Variants in COBL observed in about 807,000 individuals in gnomAD.
The protein encoded by COBL is protein cordon-bleu.
Under a neutral mutation model 98.8 loss-of-function variants are expected in COBL, and 51 were observed. That is an observed-to-expected ratio of 0.52 (90% confidence interval 0.41 to 0.65). The LOEUF (loss-of-function observed/expected upper bound fraction) is 0.65, where lower values mean the gene tolerates loss of function less well. COBL is among the 30% of genes least tolerant of loss of function. COBL has a pLI of 0.00. For synonymous variants in COBL, 634 were observed against 651.7 expected, an observed-to-expected ratio of 0.97 and a Z score of 0.41; for missense variants, 1,617 against 1,617.5, an observed-to-expected ratio of 1.00 and a Z score of 0.01.
intron 7 of COBL, chr7:51,065,596 G>A (rs568021507): frequency 3.3e-6 from 2 of 602,944 alleles, no homozygotes; most frequent in Non-Finnish European, 5.9e-6. Flanking sequence ...GCAGGGCCCA[G>A]GCCTCCAACA....
intron 1 of COBL, among the ~76,000 whole-genome samples, chr7:51,308,577 C>T (rs1185576143): frequency 6.6e-6 from 1 of 152,208 alleles, no homozygotes; most frequent in Non-Finnish European, 1.5e-5. Context: ...AGTCCTTAAG[C>T]CACGCAGAGC....
chr7:51,265,805 G>A (rs1416451997), intron 1 of COBL, among the ~76,000 whole-genome samples: 9 of 152,168 alleles, frequency 5.9e-5, no homozygotes, highest in Admixed American at 3.9e-4. Flanking sequence ...AACTGTCCAC[G>A]TGGACTGGCA....
intron 1 of COBL, among the ~76,000 whole-genome samples, chr7:51,232,071 A>G (rs1196079145): frequency 6.6e-6 from 1 of 152,156 alleles, no homozygotes; most frequent in African/African-American, 2.4e-5. Flanking sequence ...CCTCTGAGAA[A>G]TAGGACCGTT....
At chr7:51,241,791 G>T (rs1795818064) in intron 1 of COBL, among the ~76,000 whole-genome samples, 1 of 152,310 alleles carries the variant, frequency 6.6e-6, no homozygotes, top group African/African-American at 2.4e-5. Flanking sequence ...TTCCTCAGCT[G>T]CTCACAAGGT....
chr7:51,071,019 C>T (rs1194309688), intron 7 of COBL: 2 of 152,180 alleles, frequency 1.3e-5, no homozygotes, highest in Non-Finnish European at 2.9e-5. Context: ...TTTAAGCCAA[C>T]TATAGTTGAA....
chr7:51,131,468 T>C (rs887092800), intron 6 of COBL, among the ~76,000 whole-genome samples: 7 of 152,228 alleles, frequency 4.6e-5, no homozygotes, highest in African/African-American at 1.4e-4. Context: ...AAACCTGCTC[T>C]GTAACATGCC....
intron 5 of COBL, among the ~76,000 whole-genome samples, chr7:51,136,954 C>A (rs566845124): frequency 6.6e-6 from 1 of 152,198 alleles, no homozygotes; most frequent in Non-Finnish European, 1.5e-5. Flanking sequence ...TCTCAAGGGA[C>A]AATTTCTACA....
chr7:51,237,318 GAGTTT>G (rs57925438), intron 1 of COBL, among the ~76,000 whole-genome samples: 37,459 of 151,746 alleles, frequency 0.25, 5,518 homozygotes, highest in East Asian at 0.6. Flanking sequence ...GCAAATAAAG[GAGTTT>G]ACTTCTCTGC....
At chr7:51,121,426 C>A (rs1027668939) in intron 6 of COBL, among the ~76,000 whole-genome samples, 3 of 152,208 alleles carry the variant, frequency 2.0e-5, no homozygotes, top group Non-Finnish European at 2.9e-5. Flanking sequence ...TTATCACATA[C>A]ATAATTTGCA....
intron 1 of COBL, among the ~76,000 whole-genome samples, chr7:51,243,989 T>C (rs765477800): frequency 5.9e-5 from 9 of 152,144 alleles, no homozygotes; most frequent in Non-Finnish European, 1.2e-4. Flanking sequence ...ATCTTCAAAA[T>C]TAAAAATTAA....
In COBL at chr7:51,028,705, G is replaced by A; in HGVS notation, c.2391C>T (p.Pro797=). 1 of 1,613,770 alleles carries A rather than the reference G, an allele frequency of 6.2e-7. No individual in the cohort carries two copies. Among genetic ancestry groups the A allele is most frequent in the South Asian group, 1.1e-5 (1 of 91,014 alleles). Residue 797 remains proline, a synonymous_variant, in exon 10 of 13, where the codon CCC becomes CCT. Coordinates refer to ENST00000265136, the MANE Select transcript of COBL (RefSeq NM_015198.5). Reference sequence around the variant, plus strand: ...TGCTCTCTGGATTCTGCGTCTGCGTGGGCACAGGGGTGGAGGGGGGTCCCC... The same window carrying A: ...TGCTCTCTGGATTCTGCGTCTGCGTAGGCACAGGGGTGGAGGGGGGTCCCC... The part of the protein sequence containing the change: ...SARGPPSTPV[P]TQTQNPESRL...
In COBL at chr7:51,030,346, G is replaced by T. The variant is rs530072926; in HGVS notation, c.1504+466C>A. On this transcript the variant is annotated intron_variant, in intron 9 of 12. Coordinates refer to ENST00000265136, the MANE Select transcript of COBL (RefSeq NM_015198.5). ...ATTTGCCATCTGCTTTGGCCTTCCAGTATTATTTCCCCAAAATATATCAAT... is the reference window on the plus strand; with the variant it reads ...ATTTGCCATCTGCTTTGGCCTTCCATTATTATTTCCCCAAAATATATCAAT... 6.6e-5 allele frequency among the ~76,000 whole-genome samples: 10 copies of T among 152,294 alleles called. 1 individual carries two copies. The highest frequency in any genetic ancestry group is 2.6e-4 in the Admixed American group (4 of 15,300).
intron 5 of COBL, among the ~76,000 whole-genome samples, chr7:51,140,870 T>C (rs1301427308): frequency 6.6e-6 from 1 of 152,222 alleles, no homozygotes; most frequent in African/African-American, 2.4e-5. Context: ...GACAAGAAGC[T>C]GAGCATGTTC....
intron 7 of COBL, among the ~76,000 whole-genome samples, chr7:51,050,890 T>A (rs1248011039): frequency 2.0e-5 from 3 of 152,226 alleles, no homozygotes; most frequent in Non-Finnish European, 4.4e-5. Context: ...GTCTAATAAA[T>A]GTCTAAATTT....
At chr7:51,225,985 C>G (rs980604968) in intron 1 of COBL, among the ~76,000 whole-genome samples, 1 of 152,226 alleles carries the variant, frequency 6.6e-6, no homozygotes, top group Non-Finnish European at 1.5e-5. Flanking sequence ...AAAATTCATG[C>G]GTCTCTGTAC....
intron 6 of COBL, among the ~76,000 whole-genome samples, chr7:51,123,910 T>A (rs1797966281): frequency 6.6e-6 from 1 of 152,086 alleles, no homozygotes; most frequent in Admixed American, 6.5e-5. Flanking sequence ...TACACAACTC[T>A]CTTGGATTGA....
At chr7:51,300,975 G>C (rs1450616189) in intron 1 of COBL, among the ~76,000 whole-genome samples, 1 of 152,174 alleles carries the variant, frequency 6.6e-6, no homozygotes, top group Non-Finnish European at 1.5e-5. Context: ...CAGATGTGGG[G>C]TTAACCGCTC....
chr7:51,120,227 A>G (rs1797628078), intron 6 of COBL, among the ~76,000 whole-genome samples: 2 of 152,210 alleles, frequency 1.3e-5, no homozygotes, highest in African/African-American at 4.8e-5. Flanking sequence ...CAAAGGAGAA[A>G]GAAAATACAT....
rs201482838 is a variant in COBL at position 51,234,970 on chromosome 7, CTT to C, written c.42-15028_42-15027del. Among the ~76,000 whole-genome samples, 104 of 152,204 alleles carry C rather than the reference CTT, an allele frequency of 6.8e-4. No homozygotes were observed. In the East Asian group the frequency reaches 0.018, roughly 27 times the overall value. On this transcript the variant is annotated intron_variant, in intron 1 of 12. Coordinates refer to ENST00000265136, the MANE Select transcript of COBL (RefSeq NM_015198.5). ...AAAGGATGGAGGGAGAAAGAGAAGA[CTT>C]TATCTCTGAGGCTATTCCACTCCAA... is the stretch of plus-strand genomic sequence containing the variant.
Sources: gnomAD v4.1 joint callset for allele counts (sites outside exome capture counted in the v4.1 genomes callset) on GRCh38, gnomAD v4.1.1 for gene constraint, MANE v1.5 for transcripts, NCBI Gene and HGNC (gene_info 2026-07-23, HGNC 2026-07-21) for gene names.